DVL1: variants seen among roughly 807,000 people sequenced by gnomAD.
DVL1 encodes the protein dishevelled segment polarity protein 1, also known as segment polarity protein dishevelled homolog DVL-1.
Under a neutral mutation model 65.0 loss-of-function variants are expected in DVL1, and 49 were observed. That is an observed-to-expected ratio of 0.75 (90% CI 0.60 to 0.96). The LOEUF is 0.96. Ranked by LOEUF, DVL1 falls within the 40% of genes least tolerant of loss-of-function variation. DVL1 has a pLI of 0.00. For synonymous variants in DVL1, 608 were observed against 433.9 expected (o/e 1.40, Z -4.99); for missense variants, 1,197 against 1,045.4 (o/e 1.15, Z -2.00).
intron 1 of DVL1, among the ~76,000 whole-genome samples, chr1:1,345,587 G>C (rs1643903770): frequency 6.6e-6 from 1 of 152,306 alleles, no homozygotes; most frequent in East Asian, 1.9e-4. Context: ...GGGATTCCCT[G>C]TGAGGCCTGG....
At chr1:1,345,598 C>G (rs1643903977) in intron 1 of DVL1, among the ~76,000 whole-genome samples, 1 of 152,158 alleles carries the variant, frequency 6.6e-6, no homozygotes, top group Non-Finnish European at 1.5e-5. Context: ...TGAGGCCTGG[C>G]TAACCTGTGT....
intron 1 of DVL1, among the ~76,000 whole-genome samples, chr1:1,344,597 G>C (rs761894088): frequency 7.2e-5 from 11 of 152,134 alleles, no homozygotes; most frequent in Non-Finnish European, 1.5e-4. Flanking sequence ...CAGGCCATGA[G>C]GTAGACGCCC....
Position 1,338,097 on chromosome 1 carries a change from A to G in DVL1, c.1594T>C (p.Trp532Arg). 1 of 1,609,772 alleles carries G rather than the reference A, an allele frequency of 6.2e-7. No individual in the cohort carries two copies. Among genetic ancestry groups the G allele is most frequent in the Non-Finnish European group, 8.5e-7 (1 of 1,178,764 alleles). The change falls in exon 14 of 15, where the codon TGG becomes CGG. Residue 532 changes from tryptophan to arginine, a missense_variant. Trp to Arg is a moderately radical substitution (Grantham distance 101, BLOSUM62 -3). Transcript: ENST00000378888. Reference protein sequence around the residue: ...LAPLPHPAAPWPLGQGYPYQY... With the variant: ...LAPLPHPAAPRPLGQGYPYQY... Reference sequence around the variant, plus strand: ...TAGGGGTAGCCCTGACCCAGAGGCCAGGGGGCAGCCGGGTGGGGCAGCGGG... The same window carrying G: ...TAGGGGTAGCCCTGACCCAGAGGCCGGGGGGCAGCCGGGTGGGGCAGCGGG...
chr1:1,337,940 G>A (rs559830305), intron 14 of DVL1, 37 bp downstream of exon 14: 44 of 1,560,322 alleles, frequency 2.8e-5, no homozygotes, highest in Admixed American at 2.7e-4. Flanking sequence ...AGCTGGGGGC[G>A]GAGCCGGGGA....
chr1:1,341,640 T>G, intron 5 of DVL1, 27 bp downstream of exon 5: 1 of 1,579,886 alleles, frequency 6.3e-7, no homozygotes, highest in Non-Finnish European at 8.6e-7. Flanking sequence ...CACACAGGCA[T>G]ACACGCCCAC....
At chr1:1,338,674 C>T (rs375064839) in intron 11 of DVL1, 21 bp from the exon 12 acceptor site, 12 of 1,602,074 alleles carry the variant, frequency 7.5e-6, no homozygotes, top group South Asian at 3.3e-5. Context: ...CAGACAGCCC[C>T]GCTTCAGCCC....
At chr1:1,347,281 C>T (rs976459178) in intron 1 of DVL1, among the ~76,000 whole-genome samples, 1 of 152,200 alleles carries the variant, frequency 6.6e-6, no homozygotes, top group African/African-American at 2.4e-5. Context: ...TGAAGCTCCC[C>T]TGTCTCTTTC....
rs774543163 is a variant in DVL1 at position 1,342,074 on chromosome 1, G to A, written c.445C>T (p.Arg149Ter). ...SMVSHRRERARRRNREEAART... is the reference protein window; with the variant it reads ...SMVSHRRERA ...GTACCCTCCTCGCGGTTCCGGCGTC[G>A]GGCACGCTCCCGCCGGTGACTGACC... is the stretch of plus-strand genomic sequence containing the variant. Residue 149 changes from arginine to a stop codon, truncating the protein, a stop_gained, in exon 4 of 15, where the codon CGA (arginine) becomes TGA (stop). Coordinates refer to ENST00000378888, the MANE Select transcript of DVL1 (RefSeq NM_001330311.2). LOFTEE classifies it high-confidence loss of function. 9 of 1,585,446 alleles carry A rather than the reference G, an allele frequency of 5.7e-6. No homozygotes were observed. The highest frequency in any genetic ancestry group is 2.3e-5 in the East Asian group (1 of 43,534).
Position 1,338,147 on chromosome 1 carries a change from C to T in DVL1, c.1544G>A (p.Gly515Glu), listed in dbSNP as rs1643650880. The T allele has an allele frequency of 4.4e-6, 7 of 1,608,840 alleles. No homozygotes were observed. Among genetic ancestry groups the T allele is most frequent in the Non-Finnish European group, 5.9e-6 (7 of 1,178,214 alleles). The change falls in exon 14 of 15, where the codon GGG becomes GAG. Residue 515 changes from glycine to glutamate, a missense_variant. Coordinates refer to ENST00000378888, the MANE Select transcript of DVL1 (RefSeq NM_001330311.2). ...GGCCAGCGTGTCCTGATCCGAAGTC[C>T]CACTGGAGCCACTGTTGAGGTTCAG... ...ATLNLNSGSS[G>E]TSDQDTLAPL... is the part of the protein sequence containing the mutation.
Position 1,340,092 on chromosome 1 carries a change from C to G in DVL1, c.855G>C (p.Lys285Asn), listed in dbSNP as rs755185744. The G allele has an allele frequency of 1.2e-6, 2 of 1,613,358 alleles. No homozygotes were observed. Among genetic ancestry groups the G allele is most frequent in the Admixed American group, 1.7e-5 (1 of 60,010 alleles). Reference sequence around the variant, plus strand: ...GGCCGTCAGCGGCCACAGCCCCGCCCTTCATGATGGAGCCAATGTAGATGC... The same window carrying G: ...GGCCGTCAGCGGCCACAGCCCCGCCGTTCATGATGGAGCCAATGTAGATGC... ...DGGIYIGSIM[K>N]GGAVAADGRI... Residue 285 changes from lysine (K) to asparagine (N), a missense_variant, in exon 8 of 15, where the codon AAG becomes AAC. Transcript: ENST00000378888.
Position 1,335,971 on chromosome 1 carries a change from G to A in DVL1, c.*171C>T, listed in dbSNP as rs1426836959. 4.7e-6 allele frequency: 4 copies of A among 851,918 alleles called. No individual in the cohort carries two copies. The highest frequency in any genetic ancestry group is 2.7e-5 in the Admixed American group (1 of 36,746). The allele number at this position is 851,918 out of a possible 1,614,324, so 52.8% of individuals were successfully genotyped here. ...CCCCAACACGGCTGCTCAGACACAG[G>A]TGCTGTCAGGAGCTGGAGCAGCCAG... On this transcript the variant is annotated 3_prime_UTR_variant, in exon 15 of 15. Coordinates refer to ENST00000378888, the MANE Select transcript of DVL1 (RefSeq NM_001330311.2).
At chr1:1,346,645 C>T (rs372931234) in intron 1 of DVL1, among the ~76,000 whole-genome samples, 1 of 152,346 alleles carries the variant, frequency 6.6e-6, no homozygotes, top group East Asian at 1.9e-4. Flanking sequence ...GACCAGGGCA[C>T]GTGGTTGTGG....
At position 1,341,678 on chromosome 1, in the gene DVL1, G is replaced by A; in HGVS notation, c.594C>T (p.Gly198=). ...ACACTCCCACACACCTGCTCGTGCT[G>A]CCATCCTCGTCCGAGTCCACAAAGC... The part of the protein sequence containing the change: ...SSSFVDSDED[G]STSRLSSSTE... Residue 198 remains glycine (G), a synonymous_variant, in exon 5 of 15, where the codon GGC becomes GGT. Coordinates refer to ENST00000378888, the MANE Select transcript of DVL1 (RefSeq NM_001330311.2). 6.2e-7 allele frequency: 1 copy of A among 1,604,712 alleles called. No homozygotes were observed.
chr1:1,335,987 G>C lies in DVL1; in HGVS notation c.*155C>G, dbSNP rs1029105451. ...CAGACACAGGTGCTGTCAGGAGCTG[G>C]AGCAGCCAGGCTGCCAGGGCAGATG... On this transcript the variant is annotated 3_prime_UTR_variant, in exon 15 of 15. Coordinates refer to ENST00000378888, the MANE Select transcript of DVL1 (RefSeq NM_001330311.2). 2.9e-6 allele frequency: 3 copies of C among 1,017,634 alleles called. No homozygotes were observed. In the South Asian group the frequency reaches 4.9e-5, roughly 17 times the overall value. 63.0% of individuals were successfully genotyped at this position (1,017,634 alleles called of 1,614,324 possible).
chr1:1,339,504 G>A (rs778855088), intron 10 of DVL1, 65 bp from the exon 11 acceptor site: 2 of 1,547,700 alleles, frequency 1.3e-6, no homozygotes, highest in South Asian at 2.4e-5. Context: ...CAGGGTGCAG[G>A]GCACAGAGGA....
chr1:1,346,065 G>C (rs113475223), intron 1 of DVL1, among the ~76,000 whole-genome samples: 1 of 152,112 alleles, frequency 6.6e-6, no homozygotes, highest in Non-Finnish European at 1.5e-5. Flanking sequence ...CCCAAAACCA[G>C]GGAGGCACTC....
chr1:1,337,076 G>A (rs1021976487), intron 14 of DVL1: 8 of 988,506 alleles, frequency 8.1e-6, no homozygotes, highest in African/African-American at 1.7e-5. Flanking sequence ...ACAAGACAAG[G>A]GATAGCACGA....
intron 5 of DVL1, 65 bp from the exon 6 acceptor site, chr1:1,340,568 C>T: frequency 6.6e-7 from 1 of 1,507,574 alleles, no homozygotes; most frequent in South Asian, 1.2e-5. Flanking sequence ...GAACCCGCTC[C>T]CCCAATACTG....
chr1:1,342,615 C>G, intron 2 of DVL1, 74 bp downstream of exon 2: 20 of 1,589,030 alleles, frequency 1.3e-5, no homozygotes, highest in Non-Finnish European at 1.5e-5. Flanking sequence ...CCACACCCAC[C>G]GCCTCCCCCA....
Sources: gnomAD v4.1 joint callset for allele counts (sites outside exome capture counted in the v4.1 genomes callset) on GRCh38, gnomAD v4.1.1 for gene constraint, MANE v1.5 for transcripts, NCBI Gene and HGNC (gene_info 2026-07-23, HGNC 2026-07-21) for gene names.